Variants in TRHDE observed in about 807,000 individuals in gnomAD.
TRHDE encodes thyrotropin-releasing hormone-degrading ectoenzyme.
In TRHDE, 72 loss-of-function variants were observed where a neutral mutation model predicts 125.7. That is an observed-to-expected ratio of 0.57 (90% CI 0.47 to 0.70). The LOEUF (loss-of-function observed/expected upper bound fraction) is 0.70, where lower values mean the gene tolerates loss of function less well. Ranked by LOEUF, TRHDE falls within the 30% of genes least tolerant of loss-of-function variation. The pLI, the probability that TRHDE is intolerant of heterozygous loss-of-function variation, is 0.00. For synonymous variants in TRHDE, 509 were observed against 509.1 expected (o/e 1.00, Z 0.00); for missense variants, 1,110 against 1,327.1 (o/e 0.84, Z 2.54).
intron 12 of TRHDE, among the ~76,000 whole-genome samples, chr12:72,596,494 A>G (rs1041819456): frequency 6.6e-5 from 10 of 152,328 alleles, no homozygotes; most frequent in Middle Eastern, 3.4e-3. Context: ...TTTCACAATT[A>G]TCTAACACAG....
intron 2 of TRHDE, among the ~76,000 whole-genome samples, chr12:72,182,959 G>A (rs1458921741): frequency 6.6e-6 from 1 of 152,148 alleles, no homozygotes; most frequent in African/African-American, 2.4e-5. Context: ...ATAGGAATTA[G>A]GAGTCTGTAA....
chr12:72,098,782 A>T (rs1264102230), intron 1 of TRHDE, among the ~76,000 whole-genome samples: 1 of 152,194 alleles, frequency 6.6e-6, no homozygotes, highest in Non-Finnish European at 1.5e-5. Flanking sequence ...TGCACCTCCC[A>T]GCCAGCTGAC....
At chr12:72,577,316 C>T (rs981914406) in intron 12 of TRHDE, among the ~76,000 whole-genome samples, 1 of 152,078 alleles carries the variant, frequency 6.6e-6, no homozygotes, top group Non-Finnish European at 1.5e-5. Flanking sequence ...TTAATTTTCA[C>T]AACTTTATAA....
chr12:72,411,898 A>C (rs1193700084), intron 3 of TRHDE, among the ~76,000 whole-genome samples: 3 of 152,142 alleles, frequency 2.0e-5, no homozygotes, highest in African/African-American at 7.2e-5. Context: ...CTTTTTAATA[A>C]ATAATACTAG....
chr12:72,573,845 C>G (rs988535607), intron 10 of TRHDE, among the ~76,000 whole-genome samples: 2 of 151,992 alleles, frequency 1.3e-5, no homozygotes, highest in South Asian at 2.1e-4. Context: ...GAACCACTTC[C>G]TTTCTTGGGT....
At position 72,575,245 on chromosome 12, in the gene TRHDE, C is replaced by T. The variant is rs1348781801; in HGVS notation, c.2132-10C>T. The stretch of plus-strand genomic sequence containing the variant: ...AAGTTTGAAATCTATCCCAAAAATG[C>T]TTTTTTCAGAGCACCACAGAATAAC... On this transcript the variant is annotated splice_polypyrimidine_tract_variant and intron_variant, in intron 10 of 18. Transcript: ENST00000261180. 6.2e-7 allele frequency: 1 copy of T among 1,609,468 alleles called. No individual in the cohort carries two copies. Among genetic ancestry groups the T allele is most frequent in the Admixed American group, 1.7e-5 (1 of 59,194 alleles).
intron 1 of TRHDE, among the ~76,000 whole-genome samples, chr12:72,096,753 T>C (rs1006404196): frequency 6.6e-6 from 1 of 152,162 alleles, no homozygotes; most frequent in Non-Finnish European, 1.5e-5. Flanking sequence ...TTTGCTTATG[T>C]AACAAAAAAG....
At position 72,189,298 on chromosome 12, in the gene TRHDE, A is replaced by G. The variant is rs140602451; in HGVS notation, n.279+83546A>G. Among the ~76,000 whole-genome samples, 103 of 152,306 alleles carry G rather than the reference A, an allele frequency of 6.8e-4. 1 individual carries two copies. In the East Asian group the frequency reaches 0.016, roughly 24 times the overall value. On this transcript the variant is annotated intron_variant and non_coding_transcript_variant, in intron 2 of 4. Transcript: ENST00000548156. Reference sequence around the variant, plus strand: ...TTAATTTTAAATAGTAGGATTTCAAACCTTACAGGTAAATGGGTATTCTGA... The same window carrying G: ...TTAATTTTAAATAGTAGGATTTCAAGCCTTACAGGTAAATGGGTATTCTGA...
At chr12:72,604,110 G>C (rs1404715546) in intron 12 of TRHDE, among the ~76,000 whole-genome samples, 1 of 152,102 alleles carries the variant, frequency 6.6e-6, no homozygotes, top group African/African-American at 2.4e-5. Context: ...GGAAAATTTA[G>C]AAGTAATTTA....
At chr12:72,629,432 T>C (rs1346762263) in intron 15 of TRHDE, among the ~76,000 whole-genome samples, 3 of 151,738 alleles carry the variant, frequency 2.0e-5, no homozygotes, top group African/African-American at 4.8e-5. Flanking sequence ...TTGCCTAAAA[T>C]TATACTGCTT....
chr12:72,579,715 TTG>T (rs1871151153), intron 12 of TRHDE, among the ~76,000 whole-genome samples: 1 of 152,152 alleles, frequency 6.6e-6, no homozygotes, highest in Non-Finnish European at 1.5e-5. Flanking sequence ...GAGATTGTTT[TTG>T]TTTTACATCT....
At chr12:72,215,425 G>A (rs571614587) in intron 2 of TRHDE, among the ~76,000 whole-genome samples, 3 of 152,290 alleles carry the variant, frequency 2.0e-5, no homozygotes, top group South Asian at 2.1e-4. Context: ...CAGGGGATGC[G>A]ATGGCTTGGC....
At chr12:72,483,732 A>G (rs1366070525) in intron 5 of TRHDE, among the ~76,000 whole-genome samples, 1 of 151,964 alleles carries the variant, frequency 6.6e-6, no homozygotes, top group African/African-American at 2.4e-5. Context: ...GCTCTGGGTT[A>G]TCAAAATTTT....
chr12:72,607,912 T>G (rs1264587796), intron 12 of TRHDE, among the ~76,000 whole-genome samples: 2 of 152,140 alleles, frequency 1.3e-5, no homozygotes, highest in African/African-American at 4.8e-5. Flanking sequence ...GTATTTCTAT[T>G]TTTCCTTCAA....
At chr12:72,640,716 G>A (rs914396353) in intron 15 of TRHDE, among the ~76,000 whole-genome samples, 27 of 152,246 alleles carry the variant, frequency 1.8e-4, no homozygotes, top group Admixed American at 1.1e-3. Flanking sequence ...GCTGTAGACC[G>A]GAGCTGTTCC....
chr12:72,399,081 A>T (rs1013245821), intron 3 of TRHDE, among the ~76,000 whole-genome samples: 2 of 152,180 alleles, frequency 1.3e-5, no homozygotes, highest in African/African-American at 4.8e-5. Context: ...TGAACTGCCC[A>T]TGCAAGGGAT....
chr12:72,209,579 G>T (rs2139360694), intron 2 of TRHDE, among the ~76,000 whole-genome samples: 1 of 152,276 alleles, frequency 6.6e-6, no homozygotes, highest in Middle Eastern at 3.4e-3. Context: ...AAAAGATAGA[G>T]ATGATTTTGG....
intron 2 of TRHDE, among the ~76,000 whole-genome samples, chr12:72,207,189 T>C (rs1261661044): frequency 1.3e-5 from 2 of 152,226 alleles, no homozygotes; most frequent in African/African-American, 2.4e-5. Context: ...TTATAGCTGA[T>C]GACCAGAAAA....
chr12:72,586,400 G>A (rs1871441343), intron 12 of TRHDE, among the ~76,000 whole-genome samples: 1 of 152,162 alleles, frequency 6.6e-6, no homozygotes, highest in Admixed American at 6.5e-5. Context: ...TGCAATTTGA[G>A]CTATTCCTTG....
Sources: gnomAD v4.1 joint callset for allele counts (sites outside exome capture counted in the v4.1 genomes callset) on GRCh38, gnomAD v4.1.1 for gene constraint, MANE v1.5 for transcripts, NCBI Gene and HGNC (gene_info 2026-07-23, HGNC 2026-07-21) for gene names.